Variants in MTAP observed in about 807,000 individuals in gnomAD.
The protein encoded by MTAP is methylthioadenosine phosphorylase.
Under a neutral mutation model 33.6 loss-of-function variants are expected in MTAP, and 33 were observed. The ratio of observed to expected loss-of-function variants is 0.98; its 90% confidence interval spans 0.74 to 1.31. MTAP has a LOEUF of 1.31. MTAP is among the 40% of genes most tolerant of loss of function. MTAP has a pLI of 0.00. For synonymous variants in MTAP, 148 were observed against 125.7 expected (o/e 1.18, Z -1.19); for missense variants, 367 against 360.0 (o/e 1.02, Z -0.16).
At chr9:21,813,839 A>G (rs1171718695) in intron 1 of MTAP, 1 of 152,244 alleles carries the variant, frequency 6.6e-6, no homozygotes, top group African/African-American at 2.4e-5. Context: ...GGAATGAAGG[A>G]TAAGATGGAG....
chr9:21,852,720 A>AG (rs1825546441), intron 5 of MTAP, among the ~76,000 whole-genome samples: 2 of 151,820 alleles, frequency 1.3e-5, no homozygotes, highest in African/African-American at 4.8e-5. Context: ...AAAAAAAAAA[A>AG]AGCCTGGTAA....
In MTAP at chr9:21,811,336, C is replaced by A. The variant is rs200584071; in HGVS notation, c.34-4097C>A. ...GACAGAGTAGGGGTTACTATGCACC[C>A]TTTCCACATTGCTAGAAGTAACTGT... On this transcript the variant is annotated intron_variant, in intron 1 of 7. Transcript: ENST00000644715. Among the ~76,000 whole-genome samples the A allele has an allele frequency of 2.6e-5, 4 of 152,194 alleles. No homozygotes were observed. The East Asian group carries it at 7.7e-4, about 29-fold the overall frequency.
At chr9:21,880,728 G>GA (rs767797501) in intron 1 of MTAP, among the ~76,000 whole-genome samples, 3 of 151,990 alleles carry the variant, frequency 2.0e-5, no homozygotes, top group African/African-American at 4.8e-5. Flanking sequence ...CTTGTCCACT[G>GA]CAAACTACAA....
At chr9:21,820,504 C>T (rs1303900631) in intron 4 of MTAP, among the ~76,000 whole-genome samples, 1 of 152,160 alleles carries the variant, frequency 6.6e-6, no homozygotes, top group African/African-American at 2.4e-5. Flanking sequence ...TGGTCTATAT[C>T]TGTTTTGGTA....
At chr9:21,924,223 C>T (rs187978072) in intron 1 of MTAP, among the ~76,000 whole-genome samples, 32 of 152,268 alleles carry the variant, frequency 2.1e-4, no homozygotes, top group Non-Finnish European at 2.5e-4. Context: ...AAAGGAGATA[C>T]CTTCTTTTTC....
chr9:21,864,907 A>C lies in MTAP; in HGVS notation c.*2893A>C. 1 of 985,480 alleles carries C rather than the reference A, an allele frequency of 1.0e-6. No individual in the cohort carries two copies. Among genetic ancestry groups the C allele is most frequent in the Non-Finnish European group, 1.2e-6 (1 of 829,960 alleles). The allele number at this position is 985,480 out of a possible 1,614,324, so 61.0% of individuals were successfully genotyped here. On this transcript the variant is annotated 3_prime_UTR_variant, in exon 8 of 8. Coordinates refer to ENST00000644715, the MANE Select transcript of MTAP (RefSeq NM_002451.4). ...CCCACCAACACCTATTTTCCAAATA[A>C]TTATTCATTCTTGTGACAGTGGCCT...
downstream of MTAP, among the ~76,000 whole-genome samples, chr9:21,867,781 A>G (rs1247384931): frequency 6.6e-6 from 1 of 152,216 alleles, no homozygotes; most frequent in East Asian, 1.9e-4. Context: ...AGGCTGGAAC[A>G]GCAGGTTACA....
At chr9:21,822,702 G>C (rs1225273169) in intron 4 of MTAP, among the ~76,000 whole-genome samples, 1 of 152,122 alleles carries the variant, frequency 6.6e-6, no homozygotes. Context: ...TTTCTGTCTC[G>C]TTGATCTGTC....
intron 1 of MTAP, among the ~76,000 whole-genome samples, chr9:21,899,136 G>A (rs1251751243): frequency 6.8e-6 from 1 of 146,418 alleles, no homozygotes; most frequent in East Asian, 2.0e-4. Flanking sequence ...CCCAAGGACA[G>A]AAAACCAAAC....
chr9:21,914,863 A>G (rs1422068236), intron 1 of MTAP, among the ~76,000 whole-genome samples: 2 of 151,814 alleles, frequency 1.3e-5, no homozygotes, highest in Non-Finnish European at 1.5e-5. Flanking sequence ...AATAGAAAAA[A>G]AAAGAAATTG....
At chr9:21,899,478 G>T (rs1016989970) in intron 1 of MTAP, among the ~76,000 whole-genome samples, 1 of 152,058 alleles carries the variant, frequency 6.6e-6, no homozygotes, top group African/African-American at 2.4e-5. Context: ...AACTGCCCAA[G>T]ATTGGGTAAT....
At chr9:21,861,144 A>G (rs192510756) in intron 7 of MTAP, 32 of 152,316 alleles carry the variant, frequency 2.1e-4, no homozygotes, top group African/African-American at 7.0e-4. Context: ...CTCAAATAAT[A>G]TATTTACTGT....
At chr9:21,855,563 A>AGACTG (rs1357511726) in intron 6 of MTAP, among the ~76,000 whole-genome samples, 1 of 152,042 alleles carries the variant, frequency 6.6e-6, no homozygotes, top group African/African-American at 2.4e-5. Flanking sequence ...GAGAGAGAGG[A>AGACTG]GGGATGCAAT....
At chr9:21,845,752 TA>T (rs574506736) in intron 5 of MTAP, among the ~76,000 whole-genome samples, 72 of 143,408 alleles carry the variant, frequency 5.0e-4, no homozygotes, top group African/African-American at 7.7e-4. Context: ...CACAGAAATA[TA>T]AAAAAAAAAA....
In MTAP at chr9:21,859,408, A is replaced by G; in HGVS notation, c.796A>G (p.Thr266Ala). ...GATAGGGTCCACAGAATGGTCAGAA[A>G]CCCTCCATAACCTGAAGGTAAGTGT... is the stretch of plus-strand genomic sequence containing the variant. Reference protein sequence around the residue: ...PQIGSTEWSETLHNLKNMAQF... With the variant: ...PQIGSTEWSEALHNLKNMAQF... The change falls in exon 7 of 8, where the codon ACC becomes GCC. Residue 266 changes from threonine (T) to alanine (A), a missense_variant. Transcript: ENST00000644715. The G allele has an allele frequency of 1.2e-6, 2 of 1,611,044 alleles. No homozygotes were observed. The highest frequency in any genetic ancestry group is 1.7e-6 in the Non-Finnish European group (2 of 1,178,982).
intron 4 of MTAP, among the ~76,000 whole-genome samples, chr9:21,818,459 C>A (rs1283488587): frequency 6.6e-6 from 1 of 150,948 alleles, no homozygotes; most frequent in Non-Finnish European, 1.5e-5. Flanking sequence ...TCCCGAGTAG[C>A]TGGGACTACA....
chr9:21,803,115 G>T, intron 1 of MTAP: 1 of 496,158 alleles, frequency 2.0e-6, no homozygotes, highest in Non-Finnish European at 3.3e-6. Flanking sequence ...GATGGGAGAG[G>T]CTGCACCCAT....
At position 21,924,606 on chromosome 9, in the gene MTAP, G is replaced by A. The variant is rs762423718; in HGVS notation, c.148-6402G>A. The stretch of plus-strand genomic sequence containing the variant: ...ATAATCATGCTGCCCCATCTGGTTG[G>A]TTCGGGAGACCCCTCATTGGGTTTA... On this transcript the variant is annotated intron_variant, in intron 1 of 1. Transcript: ENST00000577563. Among the ~76,000 whole-genome samples the A allele has an allele frequency of 8.2e-4, 125 of 152,320 alleles. 1 individual carries two copies. Among genetic ancestry groups the A allele is most frequent in the Non-Finnish European group, 1.3e-3 (91 of 68,022 alleles).
intron 4 of MTAP, among the ~76,000 whole-genome samples, chr9:21,825,638 G>C (rs531324280): frequency 2.6e-5 from 4 of 152,316 alleles, no homozygotes; most frequent in South Asian, 4.1e-4. Flanking sequence ...AGAAGTTTGA[G>C]ACCAGCTTGG....
Sources: allele counts gnomAD v4.1 joint callset (sites outside exome capture counted in the v4.1 genomes callset), GRCh38; gene constraint gnomAD v4.1.1; transcripts MANE v1.5; gene names NCBI Gene and HGNC (gene_info 2026-07-23, HGNC 2026-07-21).